PDGFC: variants seen among roughly 807,000 people sequenced by gnomAD.
The protein encoded by PDGFC is platelet-derived growth factor C.
Under a neutral mutation model 35.5 loss-of-function variants are expected in PDGFC, and 12 were observed. That is an observed-to-expected ratio of 0.34 (90% CI 0.22 to 0.55). PDGFC has a LOEUF of 0.55. Among genes scored for constraint, PDGFC ranks in the 20% least tolerant of loss-of-function variants. PDGFC has a pLI of 0.91. For missense variants in PDGFC, 322 were observed against 412.4 expected, an observed-to-expected ratio of 0.78 and a Z score of 1.90; for synonymous variants, 159 against 148.8, an observed-to-expected ratio of 1.07 and a Z score of -0.50.
At chr4:156,799,351 T>A (rs1381106947) in intron 3 of PDGFC, among the ~76,000 whole-genome samples, 4 of 152,160 alleles carry the variant, frequency 2.6e-5, no homozygotes, top group Non-Finnish European at 5.9e-5. Context: ...CCCCCTCAGT[T>A]TTCTGAGGCC....
At chr4:156,910,368 A>G (rs150774704) in intron 1 of PDGFC, among the ~76,000 whole-genome samples, 40 of 152,238 alleles carry the variant, frequency 2.6e-4, no homozygotes, top group Admixed American at 5.2e-4. Flanking sequence ...GCATTTATCA[A>G]TAACTGCTCT....
intron 1 of PDGFC, among the ~76,000 whole-genome samples, chr4:156,901,329 C>G (rs991980810): frequency 1.3e-5 from 2 of 152,058 alleles, no homozygotes; most frequent in Admixed American, 1.3e-4. Context: ...CACATGTAAA[C>G]GTCAGATTGG....
intron 2 of PDGFC, among the ~76,000 whole-genome samples, chr4:156,817,120 G>C (rs1295417172): frequency 1.3e-5 from 2 of 151,958 alleles, no homozygotes; most frequent in Non-Finnish European, 2.9e-5. Context: ...GTTATGTGGT[G>C]AGAAACTACT....
intron 2 of PDGFC, among the ~76,000 whole-genome samples, chr4:156,847,374 T>C (rs147004901): frequency 6.3e-4 from 95 of 151,884 alleles, no homozygotes; most frequent in African/African-American, 2.0e-3. Flanking sequence ...AATCTCAGTG[T>C]AAGCATGACA....
intron 1 of PDGFC, among the ~76,000 whole-genome samples, chr4:156,953,764 T>C (rs1005492910): frequency 2.0e-5 from 3 of 152,100 alleles, no homozygotes; most frequent in East Asian, 1.9e-4. Context: ...GATACGAACA[T>C]TGAGCTTTAC....
chr4:156,837,282 G>A (rs1163624523), intron 2 of PDGFC, among the ~76,000 whole-genome samples: 2 of 152,186 alleles, frequency 1.3e-5, no homozygotes, highest in East Asian at 1.9e-4. Context: ...GGGAGGCTGA[G>A]GCAGGAGAAT....
chr4:156,966,314 A>G (rs949927343), intron 1 of PDGFC, among the ~76,000 whole-genome samples: 6 of 152,206 alleles, frequency 3.9e-5, no homozygotes, highest in African/African-American at 1.2e-4. Flanking sequence ...AGAGTTATAT[A>G]TTCTGATTAC....
At chr4:156,938,213 T>C (rs1203906592) in intron 1 of PDGFC, among the ~76,000 whole-genome samples, 2 of 152,176 alleles carry the variant, frequency 1.3e-5, no homozygotes, top group South Asian at 2.1e-4. Flanking sequence ...TTCTAGGAAG[T>C]CACTCTAATG....
chr4:156,882,690 A>G (rs777601199), intron 1 of PDGFC, among the ~76,000 whole-genome samples: 11 of 152,194 alleles, frequency 7.2e-5, no homozygotes, highest in Non-Finnish European at 1.6e-4. Context: ...GTGACAGTAA[A>G]TTCTGAAATA....
chr4:156,885,777 T>C (rs1730362616), intron 1 of PDGFC, among the ~76,000 whole-genome samples: 1 of 152,032 alleles, frequency 6.6e-6, no homozygotes, highest in African/African-American at 2.4e-5. Flanking sequence ...CTGTATTACT[T>C]AGGAGGCTGA....
chr4:156,833,166 A>G (rs979875131), intron 2 of PDGFC, among the ~76,000 whole-genome samples: 3 of 152,316 alleles, frequency 2.0e-5, no homozygotes, highest in African/African-American at 4.8e-5. Context: ...CCTTTTGCAA[A>G]TATGTTTTAT....
At chr4:156,774,994 T>C (rs1730791048) in intron 3 of PDGFC, among the ~76,000 whole-genome samples, 1 of 152,172 alleles carries the variant, frequency 6.6e-6, no homozygotes, top group Non-Finnish European at 1.5e-5. Flanking sequence ...CTGGCTAAAA[T>C]ATTAGGACTA....
intron 2 of PDGFC, among the ~76,000 whole-genome samples, chr4:156,839,933 C>A (rs1373611348): frequency 6.6e-6 from 1 of 152,108 alleles, no homozygotes; most frequent in Non-Finnish European, 1.5e-5. Context: ...ATGTGTGGAA[C>A]TTTGAACTTG....
intron 1 of PDGFC, among the ~76,000 whole-genome samples, chr4:156,962,014 A>G (rs1341910295): frequency 6.6e-6 from 1 of 152,154 alleles, no homozygotes; most frequent in African/African-American, 2.4e-5. Context: ...ATCTGCACAC[A>G]CCAAAGCAGA....
intron 1 of PDGFC, among the ~76,000 whole-genome samples, chr4:156,907,601 A>C (rs188814934): frequency 6.6e-6 from 1 of 152,266 alleles, no homozygotes; most frequent in East Asian, 1.9e-4. Flanking sequence ...TGGGACCTTC[A>C]GACTTGTGTG....
rs1439420142 is a variant in PDGFC at position 156,761,017 on chromosome 4, T to C, written c.*2073A>G. 6.6e-6 allele frequency: 1 copy of C among 152,170 alleles called. No individual in the cohort carries two copies. Among genetic ancestry groups the C allele is most frequent in the Non-Finnish European group, 1.5e-5 (1 of 68,064 alleles). 9.4% of individuals were successfully genotyped at this position (152,170 alleles called of 1,614,324 possible). A position where few individuals can be genotyped will look rare whatever the true frequency, so the allele number is the denominator to read the frequency against. ...GACAGAACACATAGGCTCATTTTGTTTCTTTGTTTTCCACATAGTTGGAGG... is the reference window on the plus strand; with the variant it reads ...GACAGAACACATAGGCTCATTTTGTCTCTTTGTTTTCCACATAGTTGGAGG... On this transcript the variant is annotated 3_prime_UTR_variant, in exon 6 of 6. Transcript: ENST00000502773.
At chr4:156,857,794 T>A (rs141559624) in intron 1 of PDGFC, among the ~76,000 whole-genome samples, 1 of 152,162 alleles carries the variant, frequency 6.6e-6, no homozygotes, top group Non-Finnish European at 1.5e-5. Context: ...CAAGACAATT[T>A]CGGGTATGGA....
chr4:156,871,996 C>A (rs1729994934), intron 1 of PDGFC, among the ~76,000 whole-genome samples: 1 of 151,530 alleles, frequency 6.6e-6, no homozygotes, highest in Admixed American at 6.6e-5. Flanking sequence ...AAAGCAATGG[C>A]AAATTTTAAG....
intron 2 of PDGFC, among the ~76,000 whole-genome samples, chr4:156,840,809 C>G (rs893608405): frequency 6.6e-6 from 1 of 152,172 alleles, no homozygotes; most frequent in African/African-American, 2.4e-5. Flanking sequence ...GAGACATGGA[C>G]TCAAAGGGGT....
Sources: gnomAD v4.1 joint callset for allele counts (sites outside exome capture counted in the v4.1 genomes callset) on GRCh38, gnomAD v4.1.1 for gene constraint, MANE v1.5 for transcripts, NCBI Gene and HGNC (gene_info 2026-07-23, HGNC 2026-07-21) for gene names.